Variants in CAMKK2 observed in about 807,000 individuals in gnomAD.
The protein encoded by CAMKK2 is calcium/calmodulin-dependent protein kinase kinase 2.
In CAMKK2, 30 loss-of-function variants were observed where a neutral mutation model predicts 67.2. That is an observed-to-expected ratio of 0.45 (90% CI 0.33 to 0.61). The LOEUF (loss-of-function observed/expected upper bound fraction) is 0.61. Among genes scored for constraint, CAMKK2 ranks in the 20% least tolerant of loss-of-function variants. The pLI is 0.02. For synonymous variants in CAMKK2, 322 were observed against 326.2 expected, an observed-to-expected ratio of 0.99 and a Z score of 0.14; for missense variants, 643 against 802.0, an observed-to-expected ratio of 0.80 and a Z score of 2.39.
intron 10 of CAMKK2, 33 bp from the exon 11 acceptor site, chr12:121,252,747 AG>A (rs1891016592): frequency 1.2e-6 from 2 of 1,611,240 alleles, no homozygotes; most frequent in African/African-American, 2.7e-5. Context: ...TGAGGGCATA[AG>A]GGGTGGTCCA....
At chr12:121,268,534 A>G in intron 5 of CAMKK2, 104 bp downstream of exon 5, 1 of 1,077,298 alleles carries the variant, frequency 9.3e-7, no homozygotes, top group Non-Finnish European at 1.4e-6. Context: ...AGCTGGAACT[A>G]CAGGCATGTG....
chr12:121,257,919 G>C (rs747423714), intron 7 of CAMKK2, among the ~76,000 whole-genome samples: 2 of 151,940 alleles, frequency 1.3e-5, no homozygotes, highest in Non-Finnish European at 2.9e-5. Context: ...AGGGTGGCCT[G>C]TTGAAACAGG....
At chr12:121,249,461 G>A (rs934336760) in intron 13 of CAMKK2, among the ~76,000 whole-genome samples, 3 of 152,224 alleles carry the variant, frequency 2.0e-5, no homozygotes, top group African/African-American at 4.8e-5. Context: ...ACGGGCCTTT[G>A]GAAAGGACCT....
intron 5 of CAMKK2, among the ~76,000 whole-genome samples, chr12:121,266,421 A>G (rs1012063271): frequency 1.3e-5 from 2 of 152,164 alleles, no homozygotes; most frequent in African/African-American, 4.8e-5. Flanking sequence ...TCAAAAATTG[A>G]TAATAGTGAC....
At chr12:121,278,372 C>T (rs1468568757) in intron 1 of CAMKK2, among the ~76,000 whole-genome samples, 3 of 152,186 alleles carry the variant, frequency 2.0e-5, no homozygotes, top group African/African-American at 7.2e-5. Flanking sequence ...TTAGATGAAC[C>T]AAGCACTCAG....
At chr12:121,261,877 C>T (rs1893530360) in intron 6 of CAMKK2, among the ~76,000 whole-genome samples, 1 of 152,210 alleles carries the variant, frequency 6.6e-6, no homozygotes, top group African/African-American at 2.4e-5. Flanking sequence ...CTTTGTACTC[C>T]CATGGCACTC....
intron 7 of CAMKK2, among the ~76,000 whole-genome samples, chr12:121,258,022 CT>C (rs5801429): frequency 0.46 from 54,782 of 120,014 alleles, 11,408 homozygotes; most frequent in African/African-American, 0.6. Context: ...GAGTTTTCTA[CT>C]TTTTTTTTTT....
chr12:121,273,819 T>C (rs1157167709), intron 2 of CAMKK2, among the ~76,000 whole-genome samples: 1 of 152,012 alleles, frequency 6.6e-6, no homozygotes, highest in African/African-American at 2.4e-5. Flanking sequence ...TCCACACTGG[T>C]AATCGGCTCC....
At chr12:121,282,251 A>G (rs907058314) in intron 1 of CAMKK2, among the ~76,000 whole-genome samples, 1 of 152,034 alleles carries the variant, frequency 6.6e-6, no homozygotes, top group Admixed American at 6.6e-5. Flanking sequence ...GCAGGAACAA[A>G]GTGGGGAAGG....
chr12:121,273,121 C>T (rs954307930), intron 2 of CAMKK2, among the ~76,000 whole-genome samples: 9 of 151,982 alleles, frequency 5.9e-5, no homozygotes, highest in South Asian at 4.1e-4. Context: ...TGCTGATTAA[C>T]GTTATGAAGG....
chr12:121,293,440 G>A (rs1900497785), intron 1 of CAMKK2, among the ~76,000 whole-genome samples: 1 of 152,106 alleles, frequency 6.6e-6, no homozygotes, highest in Admixed American at 6.6e-5. Context: ...AAGATCACAG[G>A]TGACCCTGAG....
intron 6 of CAMKK2, among the ~76,000 whole-genome samples, chr12:121,260,967 A>AG (rs1369007739): frequency 6.6e-6 from 1 of 151,718 alleles, no homozygotes; most frequent in African/African-American, 2.4e-5. Flanking sequence ...AAAAAAAAAA[A>AG]AGAATCCAAC....
chr12:121,279,233 G>A (rs1036572835), intron 1 of CAMKK2, among the ~76,000 whole-genome samples: 1 of 152,212 alleles, frequency 6.6e-6, no homozygotes, highest in African/African-American at 2.4e-5. Flanking sequence ...AGGATGGAGA[G>A]GAGAGACAGC....
intron 3 of CAMKK2, 70 bp downstream of exon 3, chr12:121,270,815 TCCCAGCTTTACCC>T: frequency 4.6e-6 from 5 of 1,098,594 alleles, no homozygotes; most frequent in Non-Finnish European, 5.6e-6. Flanking sequence ...CCTCTCCTGC[TCCCAGCTTTACCC>T]CGTTCCCTCC....
chr12:121,277,161 A>G (rs1896978303), intron 1 of CAMKK2, among the ~76,000 whole-genome samples: 1 of 152,194 alleles, frequency 6.6e-6, no homozygotes, highest in Non-Finnish European at 1.5e-5. Flanking sequence ...AAAGCCCAAC[A>G]GGAAAGGCAA....
chr12:121,265,366 A>G (rs55978542), intron 5 of CAMKK2, among the ~76,000 whole-genome samples: 42,527 of 151,734 alleles, frequency 0.28, 6,279 homozygotes, highest in Admixed American at 0.37. Context: ...GGAAAGTGGT[A>G]GTGTGTGTCC....
intron 5 of CAMKK2, among the ~76,000 whole-genome samples, chr12:121,264,958 G>A (rs921397283): frequency 1.4e-5 from 2 of 140,168 alleles, no homozygotes; most frequent in Non-Finnish European, 1.5e-5. Context: ...GTGACAGAGC[G>A]AGACCCTATC....
At chr12:121,255,890 GA>G in intron 7 of CAMKK2, 86 bp from the exon 8 acceptor site, 1 of 1,230,402 alleles carries the variant, frequency 8.1e-7, no homozygotes, top group Non-Finnish European at 1.2e-6. Flanking sequence ...ACCACCTCCA[GA>G]AACACCAAGA....
intron 16 of CAMKK2, among the ~76,000 whole-genome samples, chr12:121,242,093 A>G (rs1028209574): frequency 2.0e-5 from 3 of 152,206 alleles, no homozygotes; most frequent in Non-Finnish European, 4.4e-5. Flanking sequence ...GTACTTTGGG[A>G]GGCTGAGGCA....
Sources: allele counts gnomAD v4.1 joint callset (sites outside exome capture counted in the v4.1 genomes callset), GRCh38; gene constraint gnomAD v4.1.1; transcripts MANE v1.5; gene names NCBI Gene and HGNC (gene_info 2026-07-23, HGNC 2026-07-21).